WDR33: variants seen among roughly 807,000 people sequenced by gnomAD.
WDR33 encodes WD repeat domain 33.
WDR33 carries 47 observed loss-of-function variants against 164.9 expected under a neutral mutation model. The ratio of observed to expected loss-of-function variants is 0.29; its 90% CI spans 0.23 to 0.36. The LOEUF (loss-of-function observed/expected upper bound fraction) is 0.36. Among genes scored for constraint, WDR33 ranks in the 10% least tolerant of loss-of-function variants. The pLI is 1.00. For synonymous variants in WDR33, 505 were observed against 589.0 expected (o/e 0.86, Z 2.06); for missense variants, 1,137 against 1,754.1 (o/e 0.65, Z 6.28).
chr2:127,725,291 C>T (rs1573890291), intron 8 of WDR33, 76 bp from the exon 9 acceptor site: 21 of 1,427,738 alleles, frequency 1.5e-5, no homozygotes, highest in African/African-American at 5.8e-5. Flanking sequence ...TGTTGAAAAG[C>T]GAATTAATCA....
intron 1 of WDR33, among the ~76,000 whole-genome samples, chr2:127,794,843 AAAAAAAAAAG>A (rs1382269463): frequency 2.0e-5 from 3 of 149,070 alleles, no homozygotes; most frequent in African/African-American, 7.5e-5. Flanking sequence ...CAAAAAAAAA[AAAAAAAAAAG>A]AAAGAAAGAA....
intron 7 of WDR33, chr2:127,737,483 A>C (rs766069281): frequency 4.1e-6 from 4 of 986,252 alleles, no homozygotes; most frequent in Non-Finnish European, 4.8e-6. Flanking sequence ...GTATATAGTC[A>C]TCACTTGAAA....
chr2:127,778,380 T>C (rs927457272), intron 1 of WDR33, among the ~76,000 whole-genome samples: 3 of 149,050 alleles, frequency 2.0e-5, no homozygotes, highest in African/African-American at 7.5e-5. Flanking sequence ...AAGACTGCAA[T>C]GAGCCAAGAT....
chr2:127,796,612 TCTC>T (rs1689052991), intron 1 of WDR33, among the ~76,000 whole-genome samples: 1 of 152,048 alleles, frequency 6.6e-6, no homozygotes, highest in East Asian at 1.9e-4. Flanking sequence ...TCTCTCTCTC[TCTC>T]ATTTCCTCTT....
intron 1 of WDR33, among the ~76,000 whole-genome samples, chr2:127,772,851 G>A (rs926103123): frequency 1.2e-4 from 18 of 151,750 alleles, no homozygotes; most frequent in African/African-American, 3.4e-4. Flanking sequence ...GGCCAGGCAT[G>A]GTGGCTCACA....
intron 7 of WDR33, among the ~76,000 whole-genome samples, chr2:127,746,479 T>C (rs1447618032): frequency 2.0e-5 from 3 of 152,256 alleles, no homozygotes; most frequent in Non-Finnish European, 4.4e-5. Context: ...TTGATATTTA[T>C]GACTTTAGCA....
intron 1 of WDR33, among the ~76,000 whole-genome samples, chr2:127,809,800 C>T (rs1689582202): frequency 6.6e-6 from 1 of 152,064 alleles, no homozygotes; most frequent in African/African-American, 2.4e-5. Context: ...AATTTCTCCC[C>T]AAGTTTCAAG....
chr2:127,782,904 G>A (rs1176087889), intron 1 of WDR33, among the ~76,000 whole-genome samples: 3 of 152,138 alleles, frequency 2.0e-5, no homozygotes, highest in African/African-American at 7.2e-5. Context: ...AGCTACTTGG[G>A]AGACTGAGGC....
At chr2:127,729,970 G>A (rs1182180495) in intron 7 of WDR33, among the ~76,000 whole-genome samples, 2 of 152,102 alleles carry the variant, frequency 1.3e-5, no homozygotes, top group Non-Finnish European at 2.9e-5. Flanking sequence ...ACACACCCAC[G>A]CCCCTTTGCT....
chr2:127,756,022 C>CTACA (rs1687506183), intron 7 of WDR33, among the ~76,000 whole-genome samples: 1 of 152,088 alleles, frequency 6.6e-6, no homozygotes, highest in South Asian at 2.1e-4. Flanking sequence ...AATTGCTGAG[C>CTACA]TACAGTTTTC....
At chr2:127,734,682 G>C (rs1471753221) in intron 7 of WDR33, among the ~76,000 whole-genome samples, 3 of 152,052 alleles carry the variant, frequency 2.0e-5, no homozygotes, top group Non-Finnish European at 4.4e-5. Context: ...AACAAAACAA[G>C]ACCTGAATAC....
rs1383434772 is a variant in WDR33, at chr2:127,705,226, G to A, written c.*1097C>T. Reference sequence around the variant, plus strand: ...AGCTTCCATGTAAAACCAAAATAAAGGTCAGTATAGAAAGTATCATGGGGT... The same window carrying A: ...AGCTTCCATGTAAAACCAAAATAAAAGTCAGTATAGAAAGTATCATGGGGT... On this transcript the variant is annotated 3_prime_UTR_variant, in exon 22 of 22. Transcript: ENST00000322313. The surrounding 1 kb of genome is among the most constrained non-coding windows in gnomAD (Gnocchi z 4.5). 1 of 167,020 alleles carries A rather than the reference G, an allele frequency of 6.0e-6. No individual in the cohort carries two copies. Among genetic ancestry groups the A allele is most frequent in the South Asian group, 2.1e-4 (1 of 4,834 alleles). The allele number at this position is 167,020 out of a possible 1,614,324, so 10.3% of individuals were successfully genotyped here.
At chr2:127,737,127 C>T in intron 7 of WDR33, 1 of 985,352 alleles carries the variant, frequency 1.0e-6, no homozygotes, top group African/African-American at 1.7e-5. Flanking sequence ...AAAAAATTTA[C>T]ATTTTTTTAA....
chr2:127,744,828 C>A (rs144786419), intron 7 of WDR33, among the ~76,000 whole-genome samples: 100 of 152,264 alleles, frequency 6.6e-4, no homozygotes, highest in African/African-American at 2.3e-3. Context: ...TCCTGCACTT[C>A]ATATTTTTTC....
Position 127,702,231 on chromosome 2 carries a change from C to A in WDR33, c.*4092G>T. On this transcript the variant is annotated 3_prime_UTR_variant, in exon 22 of 22. Transcript: ENST00000322313. ...ACGCGGAGCCAGCGCCGTCGGAGAC[C>A]GCGCCGGCCGAGCTGAGGACTGCAC... The A allele has an allele frequency of 8.4e-7, 1 of 1,190,212 alleles. No individual in the cohort carries two copies. Among genetic ancestry groups the A allele is most frequent in the South Asian group, 4.2e-5 (1 of 23,764 alleles). 73.7% of individuals were successfully genotyped at this position (1,190,212 alleles called of 1,614,324 possible).
At chr2:127,733,380 C>T (rs756662455) in intron 7 of WDR33, among the ~76,000 whole-genome samples, 4 of 152,142 alleles carry the variant, frequency 2.6e-5, no homozygotes, top group Non-Finnish European at 5.9e-5. Flanking sequence ...GTGATATGGG[C>T]ACATGAAAGA....
In WDR33 at chr2:127,714,927, C is replaced by T. The variant is rs1686261919; in HGVS notation, c.2870-906G>A. 2.0e-5 allele frequency among the ~76,000 whole-genome samples: 3 copies of T among 152,080 alleles called. No homozygotes were observed. ...GAAAGGATACTCTTGATTCTAAAAA[C>T]AAAAACTGTGTTTTTAAAGTGAAAT... On this transcript the variant is annotated intron_variant, in intron 17 of 21. Coordinates refer to ENST00000322313, the MANE Select transcript of WDR33 (RefSeq NM_018383.5). The surrounding 1 kb of genome is among the most constrained non-coding windows in gnomAD (Gnocchi z 4.3).
intron 1 of WDR33, among the ~76,000 whole-genome samples, chr2:127,776,297 G>C (rs1477672118): frequency 1.3e-5 from 2 of 152,252 alleles, no homozygotes; most frequent in South Asian, 2.1e-4. Context: ...CAGACTTTCA[G>C]CCTCCAGAAC....
At chr2:127,774,669 A>T (rs1688126994) in intron 1 of WDR33, among the ~76,000 whole-genome samples, 1 of 152,182 alleles carries the variant, frequency 6.6e-6, no homozygotes, top group East Asian at 1.9e-4. Context: ...CTCTACTAAA[A>T]ATACAAAAAA....
Sources: gnomAD v4.1 joint callset for allele counts (sites outside exome capture counted in the v4.1 genomes callset) on GRCh38, gnomAD v4.1.1 for gene constraint, Gnocchi (gnomAD v3.1) non-coding constraint, MANE v1.5 for transcripts, NCBI Gene and HGNC (gene_info 2026-07-23, HGNC 2026-07-21) for gene names.